ADGB: variants seen among roughly 807,000 people sequenced by gnomAD.
ADGB encodes androglobin.
In ADGB, 172 loss-of-function variants were observed where a neutral mutation model predicts 210.5. That is an observed-to-expected ratio of 0.82 (90% confidence interval 0.72 to 0.93). The LOEUF is 0.93. ADGB is among the 40% of genes least tolerant of loss of function. ADGB has a pLI of 0.00. For missense variants in ADGB, 2,025 were observed against 1,964.8 expected (o/e 1.03, Z -0.58); for synonymous variants, 658 against 662.7 (o/e 0.99, Z 0.11).
intron 32 of ADGB, among the ~76,000 whole-genome samples, chr6:146,787,758 C>G (rs902080657): frequency 1.3e-5 from 2 of 151,384 alleles, no homozygotes; most frequent in Non-Finnish European, 2.9e-5. Context: ...TAAGTACTTT[C>G]CTATTGCCAC....
intron 12 of ADGB, among the ~76,000 whole-genome samples, chr6:146,699,246 A>G (rs1015327928): frequency 2.6e-5 from 4 of 152,164 alleles, no homozygotes; most frequent in Non-Finnish European, 5.9e-5. Context: ...CTGGGGAACC[A>G]GGGAGGTCAG....
At chr6:146,604,962 C>T (rs1562252862) in intron 1 of ADGB, among the ~76,000 whole-genome samples, 1 of 152,084 alleles carries the variant, frequency 6.6e-6, no homozygotes, top group Non-Finnish European at 1.5e-5. Flanking sequence ...CTAATAGCCA[C>T]TCTTCAATTT....
chr6:146,670,090 C>G (rs1383014560), intron 7 of ADGB, among the ~76,000 whole-genome samples: 2 of 152,256 alleles, frequency 1.3e-5, no homozygotes, highest in Admixed American at 1.3e-4. Flanking sequence ...TTCTCTACAT[C>G]TGCATTATTA....
At chr6:146,609,295 T>A (rs1184906495) in intron 1 of ADGB, among the ~76,000 whole-genome samples, 1 of 152,164 alleles carries the variant, frequency 6.6e-6, no homozygotes, top group Non-Finnish European at 1.5e-5. Flanking sequence ...GAAGATAGCA[T>A]GAGACTATCT....
intron 3 of ADGB, among the ~76,000 whole-genome samples, chr6:146,651,697 T>G (rs553699482): frequency 6.6e-6 from 1 of 152,238 alleles, no homozygotes; most frequent in East Asian, 1.9e-4. Flanking sequence ...AGCAGGAGAA[T>G]TCTGCAGCTG....
At chr6:146,708,700 A>T (rs1776613686) in intron 13 of ADGB, among the ~76,000 whole-genome samples, 1 of 152,032 alleles carries the variant, frequency 6.6e-6, no homozygotes, top group Non-Finnish European at 1.5e-5. Flanking sequence ...ATTTGGATTA[A>T]ATCTGATTTT....
intron 35 of ADGB, among the ~76,000 whole-genome samples, chr6:146,814,276 T>C (rs1778348861): frequency 6.6e-6 from 1 of 152,220 alleles, no homozygotes; most frequent in South Asian, 2.1e-4. Context: ...CAGACTAGCA[T>C]CTGTGCTTTA....
chr6:146,729,045 G>T (rs1012189377), intron 20 of ADGB, among the ~76,000 whole-genome samples: 41 of 152,210 alleles, frequency 2.7e-4, no homozygotes, highest in Admixed American at 6.5e-4. Flanking sequence ...AGGGCAAGAT[G>T]GTGGTGCTTC....
At chr6:146,630,405 A>G (rs907108268) in intron 1 of ADGB, among the ~76,000 whole-genome samples, 1 of 151,976 alleles carries the variant, frequency 6.6e-6, no homozygotes, top group Non-Finnish European at 1.5e-5. Flanking sequence ...AGAGAATACA[A>G]ATACTTATAA....
intron 26 of ADGB, among the ~76,000 whole-genome samples, chr6:146,750,590 T>C (rs1167181043): frequency 6.6e-6 from 1 of 152,098 alleles, no homozygotes; most frequent in Non-Finnish European, 1.5e-5. Flanking sequence ...TGTCGTCATA[T>C]ATATGAGAGA....
intron 27 of ADGB, among the ~76,000 whole-genome samples, chr6:146,757,678 A>G (rs1684241104): frequency 6.6e-6 from 1 of 151,706 alleles, no homozygotes; most frequent in Non-Finnish European, 1.5e-5. Flanking sequence ...GAATAATTTT[A>G]AATTATTTAA....
intron 29 of ADGB, among the ~76,000 whole-genome samples, chr6:146,771,117 G>A (rs954540724): frequency 1.3e-5 from 2 of 151,970 alleles, no homozygotes; most frequent in African/African-American, 4.8e-5. Context: ...GTCTCAAGCC[G>A]AATACGCCCG....
Position 146,672,378 on chromosome 6 carries a change from G to A in ADGB, c.998G>A (p.Gly333Glu). ...EGKEGKEIKD[G>E]KEVKDVKEFK... ...AAGGAGGGAAAAGAAATAAAGGATG[G>A]AAAGGAAGTAAAAGACGTGAAGGAA... is the stretch of plus-strand genomic sequence containing the variant. The change falls in exon 8 of 36, where the codon GGA (glycine) becomes GAA (glutamate). Residue 333 changes from glycine to glutamate, a missense_variant. By Grantham distance (98) the Gly-to-Glu change is moderately conservative (BLOSUM62 -2). Transcript: ENST00000397944. 1 of 1,551,364 alleles carries A rather than the reference G, an allele frequency of 6.4e-7. No homozygotes were observed. The highest frequency in any genetic ancestry group is 8.7e-7 in the Non-Finnish European group (1 of 1,146,822).
At position 146,666,886 on chromosome 6, in the gene ADGB, G is replaced by C. The variant is rs1197574331; in HGVS notation, c.823G>C (p.Glu275Gln). 1 of 1,545,130 alleles carries C rather than the reference G, an allele frequency of 6.5e-7. No homozygotes were observed. The highest frequency in any genetic ancestry group is 8.8e-7 in the Non-Finnish European group (1 of 1,142,124). The change falls in exon 7 of 36, where the codon GAA (glutamate) becomes CAA (glutamine). Residue 275 changes from glutamate to glutamine, a missense_variant. Glu to Gln is a conservative substitution (Grantham distance 29). Transcript: ENST00000397944. The stretch of plus-strand genomic sequence containing the variant: ...TCATGCGCTCACAGGATGGTTACCA[G>C]AAGTCATTTCTCTTCAGTATGTTTG... ...VIHALTGWLP[E>Q]VISLHPGYMD...
At chr6:146,668,128 A>T (rs1775961993) in intron 7 of ADGB, among the ~76,000 whole-genome samples, 2 of 152,140 alleles carry the variant, frequency 1.3e-5, no homozygotes, top group Admixed American at 6.6e-5. Flanking sequence ...GCACCGTTTT[A>T]TCATTTTACC....
intron 32 of ADGB, among the ~76,000 whole-genome samples, chr6:146,787,155 G>A (rs1242589660): frequency 6.6e-6 from 1 of 152,044 alleles, no homozygotes; most frequent in African/African-American, 2.4e-5. Flanking sequence ...TTGAGAACAG[G>A]GCTCAGAGAC....
intron 10 of ADGB, among the ~76,000 whole-genome samples, chr6:146,690,793 A>G (rs1255903035): frequency 6.6e-6 from 1 of 152,214 alleles, no homozygotes; most frequent in Non-Finnish European, 1.5e-5. Flanking sequence ...ATTAACCTGT[A>G]AAAATAATGG....
intron 33 of ADGB, among the ~76,000 whole-genome samples, chr6:146,794,406 A>G (rs910991190): frequency 6.7e-6 from 1 of 149,768 alleles, no homozygotes; most frequent in East Asian, 1.9e-4. Context: ...CCCATTGGAG[A>G]AAAAACCTTA....
rs1054271852 is a variant in ADGB, at chr6:146,617,674, C to A, written c.75-17701C>A. 2.6e-5 allele frequency among the ~76,000 whole-genome samples: 4 copies of A among 151,952 alleles called. 1 individual carries two copies. The South Asian group carries it at 6.2e-4, about 24-fold the overall frequency. On this transcript the variant is annotated intron_variant, in intron 1 of 35. Transcript: ENST00000397944. ...ACGGGTTATTAAATTTTATCAAATG[C>A]ATTTTCAATTATCTATTGAAATAAT...
Sources: gnomAD v4.1 joint callset for allele counts (sites outside exome capture counted in the v4.1 genomes callset) on GRCh38, gnomAD v4.1.1 for gene constraint, MANE v1.5 for transcripts, NCBI Gene and HGNC (gene_info 2026-07-23, HGNC 2026-07-21) for gene names.